UBL3: variants seen among roughly 807,000 people sequenced by gnomAD.
UBL3 encodes ubiquitin like 3, also known as ubiquitin-like protein 3.
Under a neutral mutation model 18.4 loss-of-function variants are expected in UBL3, and 6 were observed. The observed-to-expected ratio is 0.33, with a 90% confidence interval of 0.18 to 0.64. The LOEUF (loss-of-function observed/expected upper bound fraction) is 0.64, where lower values mean the gene tolerates loss of function less well. UBL3 is among the 30% of genes least tolerant of loss of function. UBL3 has a pLI of 0.76. For missense variants in UBL3, 109 were observed against 142.9 expected, an observed-to-expected ratio of 0.76 and a Z score of 1.21; for synonymous variants, 49 against 46.6, an observed-to-expected ratio of 1.05 and a Z score of -0.21.
At chr13:29,829,595 C>T (rs1023089604) in intron 1 of UBL3, among the ~76,000 whole-genome samples, 1 of 152,196 alleles carries the variant, frequency 6.6e-6, no homozygotes, top group African/African-American at 2.4e-5. Flanking sequence ...GTCACAGCTT[C>T]CCTTGGCTAG....
At chr13:29,832,544 A>G (rs1488609019) in intron 1 of UBL3, among the ~76,000 whole-genome samples, 1 of 152,006 alleles carries the variant, frequency 6.6e-6, no homozygotes, top group Non-Finnish European at 1.5e-5. Flanking sequence ...TCTATAATTT[A>G]CCTTCTCTGT....
intron 2 of UBL3, among the ~76,000 whole-genome samples, chr13:29,775,101 A>G (rs1174483087): frequency 6.6e-6 from 1 of 152,238 alleles, no homozygotes; most frequent in African/African-American, 2.4e-5. Context: ...GTAGGAACAT[A>G]GGCATGACAA....
At chr13:29,835,125 A>T (rs9551750) in intron 1 of UBL3, among the ~76,000 whole-genome samples, 1,670 of 22,274 alleles carry the variant, frequency 0.075, 37 homozygotes, top group African/African-American at 0.12. Context: ...TATATATATA[A>T]ATATATATAT....
chr13:29,773,270 G>A (rs1160336816), intron 2 of UBL3, among the ~76,000 whole-genome samples: 1 of 152,122 alleles, frequency 6.6e-6, no homozygotes, highest in African/African-American at 2.4e-5. Context: ...AGGCACAGCA[G>A]AAATGAGCAG....
In UBL3 at chr13:29,764,861, G is replaced by A. The variant is rs1005657939; in HGVS notation, c.*2394C>T. 3.3e-5 allele frequency: 5 copies of A among 152,112 alleles called. No homozygotes were observed. Among genetic ancestry groups the A allele is most frequent in the African/African-American group, 1.2e-4 (5 of 41,414 alleles). The allele number at this position is 152,112 out of a possible 1,614,324, so 9.4% of individuals were successfully genotyped here. A position where few individuals can be genotyped will look rare whatever the true frequency, so the allele number is the denominator to read the frequency against. ...AAAGTAGCCTTGGATATGAGGAATC[G>A]TATTTTAACCACCAGGCAGTCCAAG... On this transcript the variant is annotated 3_prime_UTR_variant, in exon 5 of 5. Transcript: ENST00000380680.
At chr13:29,827,060 T>C (rs1322216378) in intron 1 of UBL3, among the ~76,000 whole-genome samples, 1 of 152,238 alleles carries the variant, frequency 6.6e-6, no homozygotes, top group Admixed American at 6.5e-5. Context: ...CAGTTTGTTA[T>C]AATTTCTGTT....
intron 1 of UBL3, among the ~76,000 whole-genome samples, chr13:29,834,471 T>C (rs1424428504): frequency 2.0e-5 from 3 of 152,102 alleles, no homozygotes; most frequent in Non-Finnish European, 4.4e-5. Flanking sequence ...CAATAATTGA[T>C]AGCCACATAG....
chr13:29,808,478 T>C (rs866615602), intron 1 of UBL3, among the ~76,000 whole-genome samples: 4 of 152,188 alleles, frequency 2.6e-5, no homozygotes, highest in Non-Finnish European at 5.9e-5. Flanking sequence ...TTATCAATCA[T>C]ACTACTTAAT....
At chr13:29,783,735 G>A (rs1000607204) in intron 1 of UBL3, among the ~76,000 whole-genome samples, 1 of 151,968 alleles carries the variant, frequency 6.6e-6, no homozygotes, top group Admixed American at 6.6e-5. Context: ...TTACTTCTTT[G>A]AAGCCAAGCT....
At chr13:29,845,231 T>C (rs1879200868) in intron 1 of UBL3, among the ~76,000 whole-genome samples, 2 of 152,148 alleles carry the variant, frequency 1.3e-5, no homozygotes, top group African/African-American at 4.8e-5. Context: ...TGTCATCTGT[T>C]TTCTTAATAA....
chr13:29,822,184 T>C (rs1878473902), intron 1 of UBL3, among the ~76,000 whole-genome samples: 1 of 152,238 alleles, frequency 6.6e-6, no homozygotes, highest in Non-Finnish European at 1.5e-5. Flanking sequence ...ATCACACATT[T>C]AGAGATTTGT....
chr13:29,815,860 G>C (rs1046007123), intron 1 of UBL3, among the ~76,000 whole-genome samples: 1 of 152,160 alleles, frequency 6.6e-6, no homozygotes, highest in Non-Finnish European at 1.5e-5. Context: ...ATCTTTGGGA[G>C]CTACCTCAAC....
At chr13:29,813,386 TA>T (rs1878165351) in intron 1 of UBL3, among the ~76,000 whole-genome samples, 1 of 152,020 alleles carries the variant, frequency 6.6e-6, no homozygotes, top group South Asian at 2.1e-4. Flanking sequence ...ATGAAAAAAG[TA>T]ATTATCTTCA....
rs535671481 is a variant in UBL3 at position 29,833,630 on chromosome 13, C to G, written c.27+15882G>C. On this transcript the variant is annotated intron_variant, in intron 1 of 4. Transcript: ENST00000380680. ...GACTCCTGCATAAATGTCAACATCTCTGTGAGCCCTTCCCTGATCCCACTA... is the reference window on the plus strand; with the variant it reads ...GACTCCTGCATAAATGTCAACATCTGTGTGAGCCCTTCCCTGATCCCACTA... Among the ~76,000 whole-genome samples, 7 of 152,310 alleles carry G rather than the reference C, an allele frequency of 4.6e-5. No homozygotes were observed. In the South Asian group the frequency reaches 1.4e-3, roughly 32 times the overall value.
rs113747749 is a variant in UBL3, at chr13:29,768,549, C to T, written c.224-854G>A. Among the ~76,000 whole-genome samples, 978 of 152,180 alleles carry T rather than the reference C, an allele frequency of 6.4e-3. 7 individuals are homozygous for T. Among genetic ancestry groups the T allele is most frequent in the Middle Eastern group, 0.027 (8 of 294 alleles). On this transcript the variant is annotated intron_variant, in intron 3 of 4. Transcript: ENST00000380680. ...ATCACTTAGCAATAATGATCCTCCA[C>T]TCCAGCTACCTGCTTTTTAAAACCT...
intron 1 of UBL3, among the ~76,000 whole-genome samples, chr13:29,847,135 C>T (rs1447186683): frequency 1.3e-5 from 2 of 152,138 alleles, no homozygotes; most frequent in African/African-American, 4.8e-5. Context: ...ATTCTAGGCA[C>T]ATAGCAAATG....
chr13:29,814,549 T>C (rs1472775866), intron 1 of UBL3, among the ~76,000 whole-genome samples: 1 of 152,108 alleles, frequency 6.6e-6, no homozygotes, highest in Admixed American at 6.6e-5. Context: ...CAACAAGTCA[T>C]CAAATAAATA....
At chr13:29,774,761 AT>A (rs566846456) in intron 2 of UBL3, among the ~76,000 whole-genome samples, 79 of 145,946 alleles carry the variant, frequency 5.4e-4, no homozygotes, top group African/African-American at 9.0e-4. Context: ...TTTAAATTGT[AT>A]TTTTTTTTTT....
In UBL3 at chr13:29,831,502, C is replaced by T. The variant is rs1441013772; in HGVS notation, c.27+18010G>A. ...ATTCGGGAGGCTGAGGCAGGAGAAT[C>T]GCTTGAACCAGGGAGACGGAGGTTG... On this transcript the variant is annotated intron_variant, in intron 1 of 4. Transcript: ENST00000380680. Among the ~76,000 whole-genome samples, 5 of 151,152 alleles carry T rather than the reference C, an allele frequency of 3.3e-5. No individual in the cohort carries two copies. In the East Asian group the frequency reaches 7.8e-4, roughly 24 times the overall value.
Sources: gnomAD v4.1 joint callset for allele counts (sites outside exome capture counted in the v4.1 genomes callset) on GRCh38, gnomAD v4.1.1 for gene constraint, MANE v1.5 for transcripts, NCBI Gene and HGNC (gene_info 2026-07-23, HGNC 2026-07-21) for gene names.